The following FBLN2 variants were observed in gnomAD, a reference collection of about 807,000 sequenced individuals.
FBLN2 encodes the protein fibulin 2.
Under a neutral mutation model 123.7 loss-of-function variants are expected in FBLN2, and 81 were observed. The ratio of observed to expected loss-of-function variants is 0.65; its 90% confidence interval spans 0.55 to 0.79. The LOEUF (loss-of-function observed/expected upper bound fraction) is 0.79. FBLN2 is among the 30% of genes least tolerant of loss of function. The pLI is 0.00. For synonymous variants in FBLN2, 699 were observed against 701.4 expected (o/e 1.00, Z 0.05); for missense variants, 1,603 against 1,681.3 (o/e 0.95, Z 0.81).
chr3:13,620,755 G>C, intron 8 of FBLN2, among the ~76,000 whole-genome samples: 1 of 152,210 alleles, frequency 6.6e-6, no homozygotes, highest in Admixed American at 6.5e-5. Context: ...GTGTCTGGGG[G>C]AGAACAGAGT....
chr3:13,556,979 C>T lies in FBLN2; in HGVS notation c.-42+7771C>T, dbSNP rs1042162467. ...TTTTGTCTCTGCCTTTCTCTGTGAG[C>T]CTGGTTGATTCTCTCGAAATGAGGC... On this transcript the variant is annotated intron_variant, in intron 1 of 17. Coordinates refer to ENST00000404922, the MANE Select transcript of FBLN2 (RefSeq NM_001004019.2). 3.9e-5 allele frequency among the ~76,000 whole-genome samples: 6 copies of T among 152,370 alleles called. No individual in the cohort carries two copies. In the South Asian group the frequency reaches 1.0e-3, roughly 26 times the overall value.
In FBLN2 at chr3:13,560,363, C is replaced by T. The variant is rs140134822; in HGVS notation, c.-41-9952C>T. Among the ~76,000 whole-genome samples the T allele has an allele frequency of 5.4e-3, 828 of 152,242 alleles. 10 individuals carry two copies. Among genetic ancestry groups the T allele is most frequent in the African/African-American group, 0.019 (781 of 41,518 alleles). ...GAAGGAAGGCCCAGTGACCAGTGAG[C>T]GTGTGAGGAGCATGGGGCACCTGGT... On this transcript the variant is annotated intron_variant, in intron 1 of 17. Transcript: ENST00000404922.
In FBLN2 at chr3:13,638,243, G is replaced by A. The variant is rs1033711341; in HGVS notation, c.*324G>A. 1.4e-5 allele frequency: 8 copies of A among 561,014 alleles called. No homozygotes were observed. The highest frequency in any genetic ancestry group is 1.4e-4 in the Admixed American group (5 of 35,568). The allele number at this position is 561,014 out of a possible 1,614,324, so 34.8% of individuals were successfully genotyped here. The stretch of plus-strand genomic sequence containing the variant: ...GCTCTTGGACTCCTCTGGATGACCC[G>A]TCCCCAAAGTTGACATTCCATTTCA... On this transcript the variant is annotated 3_prime_UTR_variant, in exon 18 of 18. Transcript: ENST00000404922.
At chr3:13,574,782 C>T (rs1055717417) in intron 2 of FBLN2, among the ~76,000 whole-genome samples, 9 of 152,200 alleles carry the variant, frequency 5.9e-5, no homozygotes, top group African/African-American at 1.7e-4. Context: ...CCAAGGCCTC[C>T]CCCAACAACA....
intron 16 of FBLN2, among the ~76,000 whole-genome samples, chr3:13,634,725 A>G (rs1056305473): frequency 2.6e-5 from 4 of 152,200 alleles, no homozygotes; most frequent in African/African-American, 9.6e-5. Flanking sequence ...TGAGGCCTGG[A>G]GAGGTAAATA....
At chr3:13,556,891 C>T (rs1395685999) in intron 1 of FBLN2, among the ~76,000 whole-genome samples, 3 of 152,236 alleles carry the variant, frequency 2.0e-5, no homozygotes, top group Non-Finnish European at 4.4e-5. Context: ...CCTGGAAGGA[C>T]TAGTGATCTG....
chr3:13,592,303 G>A (rs1016590910), intron 2 of FBLN2, among the ~76,000 whole-genome samples: 5 of 151,892 alleles, frequency 3.3e-5, no homozygotes, highest in Admixed American at 2.6e-4. Context: ...TGAGATTACA[G>A]GCGTGAGCCA....
At chr3:13,608,239 G>T in intron 3 of FBLN2, 66 bp downstream of exon 3, 1 of 1,226,780 alleles carries the variant, frequency 8.2e-7, no homozygotes, top group South Asian at 1.3e-5. Context: ...TGCTTGCCTA[G>T]GACCCCAGGC....
chr3:13,565,222 T>C (rs1448373304), intron 1 of FBLN2, among the ~76,000 whole-genome samples: 1 of 152,178 alleles, frequency 6.6e-6, no homozygotes, highest in Non-Finnish European at 1.5e-5. Context: ...TAGAATACCC[T>C]GGTCCCCCCA....
At chr3:13,618,325 G>A in intron 6 of FBLN2, 40 bp downstream of exon 6, 1 of 1,592,442 alleles carries the variant, frequency 6.3e-7, no homozygotes, top group African/African-American at 1.3e-5. Flanking sequence ...TATGGGAAGG[G>A]CTGATCTTGC....
In FBLN2 at chr3:13,618,112, C is replaced by T. The variant is rs569676795; in HGVS notation, c.1766C>T (p.Ser589Leu). 3.2e-5 allele frequency: 51 copies of T among 1,613,464 alleles called. No individual in the cohort carries two copies. In the South Asian group the frequency reaches 3.7e-4, roughly 12 times the overall value. Residue 589 changes from serine to leucine, a missense_variant, in exon 6 of 18, where the codon TCA (serine) becomes TTA (leucine). Physicochemically the swap from Ser to Leu is moderately radical, Grantham distance 145. Coordinates refer to ENST00000404922, the MANE Select transcript of FBLN2 (RefSeq NM_001004019.2). The part of the protein sequence containing the change: ...EAEMAGREAL[S>L]LGTEAELPNS... ...GAGATGGCGGGCCGAGAGGCCCTGTCACTGGGCACAGAGGCCGAGCTGCCG... is the reference window on the plus strand; with the variant it reads ...GAGATGGCGGGCCGAGAGGCCCTGTTACTGGGCACAGAGGCCGAGCTGCCG...
chr3:13,568,648 C>T (rs1178874574), intron 1 of FBLN2: 26 of 452,110 alleles, frequency 5.8e-5, no homozygotes, highest in South Asian at 9.9e-5. Context: ...CCCTGCCACT[C>T]CCTGCCTGAC....
chr3:13,612,616 C>T (rs1260847672), intron 4 of FBLN2, among the ~76,000 whole-genome samples: 2 of 125,706 alleles, frequency 1.6e-5, no homozygotes, highest in East Asian at 3.9e-4. Context: ...CTCCTGACCT[C>T]GTGATCCACC....
chr3:13,557,556 GC>G (rs1251538113), intron 1 of FBLN2, among the ~76,000 whole-genome samples: 8 of 152,350 alleles, frequency 5.3e-5, no homozygotes, highest in South Asian at 4.1e-4. Context: ...GGCAGGCTCT[GC>G]CGTGTGGTGG....
At chr3:13,568,759 A>G (rs892352598) in intron 1 of FBLN2, 2 of 985,344 alleles carry the variant, frequency 2.0e-6, no homozygotes, top group Non-Finnish European at 2.4e-6. Flanking sequence ...CATTTATTTC[A>G]TCATGGGGCT....
chr3:13,577,017 T>A (rs1416157270), intron 2 of FBLN2, among the ~76,000 whole-genome samples: 19 of 149,462 alleles, frequency 1.3e-4, no homozygotes, highest in African/African-American at 4.7e-4. Flanking sequence ...AGGTCAGGAG[T>A]TCAAGACCAT....
chr3:13,585,765 T>C (rs189680418), intron 2 of FBLN2, among the ~76,000 whole-genome samples: 24 of 152,286 alleles, frequency 1.6e-4, no homozygotes, highest in African/African-American at 4.6e-4. Context: ...CACTCCAGCC[T>C]GGGCAACAAG....
chr3:13,563,449 G>A (rs1031730864), intron 1 of FBLN2, among the ~76,000 whole-genome samples: 1 of 152,188 alleles, frequency 6.6e-6, no homozygotes, highest in African/African-American at 2.4e-5. Context: ...GCCTCTGAGT[G>A]GGATGCACCC....
chr3:13,565,861 A>G (rs976109708), intron 1 of FBLN2, among the ~76,000 whole-genome samples: 1 of 152,200 alleles, frequency 6.6e-6, no homozygotes, highest in African/African-American at 2.4e-5. Context: ...CATGGAGTGC[A>G]TGTGCTGAAT....
Sources: gnomAD v4.1 joint callset for allele counts (sites outside exome capture counted in the v4.1 genomes callset) on GRCh38, gnomAD v4.1.1 for gene constraint, MANE v1.5 for transcripts, NCBI Gene and HGNC (gene_info 2026-07-23, HGNC 2026-07-21) for gene names.